The following PPP3CC variants were observed in gnomAD, a reference collection of about 807,000 sequenced individuals.
PPP3CC encodes the protein protein phosphatase 3 catalytic subunit gamma.
In PPP3CC, 35 loss-of-function variants were observed where a neutral mutation model predicts 60.3. The ratio of observed to expected loss-of-function variants is 0.58; its 90% CI spans 0.44 to 0.77. PPP3CC has a LOEUF of 0.77. PPP3CC is among the 30% of genes least tolerant of loss of function. PPP3CC has a pLI of 0.00. For synonymous variants in PPP3CC, 206 were observed against 224.3 expected, an observed-to-expected ratio of 0.92 and a Z score of 0.73; for missense variants, 570 against 628.9, an observed-to-expected ratio of 0.91 and a Z score of 1.00.
chr8:22,538,021 T>G (rs1357363370), intron 12 of PPP3CC, among the ~76,000 whole-genome samples: 1 of 152,230 alleles, frequency 6.6e-6, no homozygotes, highest in East Asian at 1.9e-4. Context: ...AACCATTGAC[T>G]TGTATACTTT....
chr8:22,448,372 C>CTTT (rs1383454743), intron 1 of PPP3CC, among the ~76,000 whole-genome samples: 11 of 144,810 alleles, frequency 7.6e-5, no homozygotes, highest in African/African-American at 2.7e-4. Context: ...GGTATTATAC[C>CTTT]TTTTTTTTGT....
intron 6 of PPP3CC, among the ~76,000 whole-genome samples, chr8:22,522,141 A>ACACACACACACACACACACACG (rs1839424232): frequency 2.7e-5 from 1 of 37,204 alleles, no homozygotes; most frequent in Admixed American, 2.5e-4. Context: ...ACACACACGC[A>ACACACACACACACACACACACG]CACACACACA....
chr8:22,519,648 T>A (rs1839350788), intron 6 of PPP3CC, among the ~76,000 whole-genome samples: 1 of 152,172 alleles, frequency 6.6e-6, no homozygotes, highest in South Asian at 2.1e-4. Flanking sequence ...CTAATGTAAT[T>A]AATTTCAGGT....
intron 3 of PPP3CC, among the ~76,000 whole-genome samples, chr8:22,488,381 C>T (rs1445065007): frequency 6.6e-6 from 1 of 152,150 alleles, no homozygotes; most frequent in Non-Finnish European, 1.5e-5. Context: ...TTTAATGCAA[C>T]AATTCCATTT....
intron 4 of PPP3CC, among the ~76,000 whole-genome samples, chr8:22,506,881 G>C (rs1838938515): frequency 2.0e-5 from 3 of 152,012 alleles, no homozygotes; most frequent in African/African-American, 7.2e-5. Flanking sequence ...GGCGGAGCTT[G>C]CAGTGAGCCG....
chr8:22,468,538 T>G (rs995389297), intron 1 of PPP3CC, among the ~76,000 whole-genome samples: 3 of 147,776 alleles, frequency 2.0e-5, no homozygotes, highest in African/African-American at 5.1e-5. Context: ...GATTCATGAG[T>G]TTTTTTTTTA....
At chr8:22,533,845 A>G (rs1839782681) in intron 12 of PPP3CC, among the ~76,000 whole-genome samples, 1 of 151,912 alleles carries the variant, frequency 6.6e-6, no homozygotes, top group Non-Finnish European at 1.5e-5. Context: ...AAAGTGACCA[A>G]TAAACATATG....
chr8:22,525,543 CCTCTCTCTCT>C (rs1163306920), intron 8 of PPP3CC, among the ~76,000 whole-genome samples: 1 of 35,076 alleles, frequency 2.9e-5, no homozygotes, highest in East Asian at 1.2e-3. Context: ...TCTTTCTCTC[CCTCTCTCTCT>C]CTCTCTTTCT....
intron 5 of PPP3CC, among the ~76,000 whole-genome samples, chr8:22,512,433 C>G (rs531514244): frequency 5.9e-5 from 9 of 152,296 alleles, no homozygotes; most frequent in African/African-American, 2.2e-4. Flanking sequence ...ATGCTTTCAA[C>G]TAAAGCAGCA....
intron 1 of PPP3CC, among the ~76,000 whole-genome samples, chr8:22,458,937 A>G (rs1837285525): frequency 6.6e-6 from 1 of 152,212 alleles, no homozygotes; most frequent in African/African-American, 2.4e-5. Flanking sequence ...CTTTTAAATC[A>G]AATTAAGGAA....
chr8:22,531,533 T>G (rs1045097340), intron 10 of PPP3CC, among the ~76,000 whole-genome samples: 2 of 152,226 alleles, frequency 1.3e-5, no homozygotes, highest in African/African-American at 2.4e-5. Context: ...AGGCCATGTT[T>G]CTTTTTCTGA....
chr8:22,473,896 T>C (rs373512761), intron 1 of PPP3CC, among the ~76,000 whole-genome samples: 1 of 152,070 alleles, frequency 6.6e-6, no homozygotes, highest in Admixed American at 6.5e-5. Flanking sequence ...TTATTCTGTT[T>C]TGTTTTGTTT....
chr8:22,521,375 G>A (rs1839400747), intron 6 of PPP3CC, among the ~76,000 whole-genome samples: 1 of 152,158 alleles, frequency 6.6e-6, no homozygotes, highest in African/African-American at 2.4e-5. Context: ...GGATGGATGA[G>A]GCTGGTGGTA....
chr8:22,517,093 A>G (rs74812929), intron 6 of PPP3CC, among the ~76,000 whole-genome samples: 102 of 152,358 alleles, frequency 6.7e-4, no homozygotes, highest in African/African-American at 2.3e-3. Flanking sequence ...CTGTTTTTGC[A>G]GCAACATTAT....
intron 8 of PPP3CC, among the ~76,000 whole-genome samples, chr8:22,526,543 A>C (rs1368703497): frequency 6.6e-6 from 1 of 152,226 alleles, no homozygotes; most frequent in African/African-American, 2.4e-5. Flanking sequence ...AAATTTTAAG[A>C]ACACTAGATT....
intron 3 of PPP3CC, among the ~76,000 whole-genome samples, chr8:22,483,708 C>T (rs936987830): frequency 6.6e-6 from 1 of 152,300 alleles, no homozygotes; most frequent in Middle Eastern, 3.4e-3. Flanking sequence ...CTTGGACTTT[C>T]TGCTTTGTCC....
intron 10 of PPP3CC, among the ~76,000 whole-genome samples, chr8:22,530,829 C>CAAACAA (rs1839691242): frequency 8.6e-5 from 5 of 58,034 alleles, no homozygotes; most frequent in African/African-American, 2.6e-4. Flanking sequence ...AGACTCATCT[C>CAAACAA]AAAAAAAAAA....
intron 1 of PPP3CC, among the ~76,000 whole-genome samples, chr8:22,469,952 T>A (rs992636934): frequency 4.6e-5 from 6 of 129,380 alleles, no homozygotes; most frequent in Admixed American, 3.3e-4. Flanking sequence ...AAATAAAGAT[T>A]TGCTCAAAGA....
In PPP3CC at chr8:22,522,504, T is replaced by A; in HGVS notation, c.784T>A (p.Cys262Ser). The part of the protein sequence containing the change: ...CSYFYSYPAV[C>S]EFLQNNNLLS... Reference sequence around the variant, plus strand: ...TTTCTTTTCCAGTTACCCTGCAGTTTGTGAATTTTTGCAGAACAATAATTT... The same window carrying A: ...TTTCTTTTCCAGTTACCCTGCAGTTAGTGAATTTTTGCAGAACAATAATTT... Residue 262 changes from cysteine to serine, a missense_variant, in exon 7 of 14, where the codon TGT (cysteine) becomes AGT (serine). Physicochemically the swap from Cys to Ser is moderately radical, Grantham distance 112. Coordinates refer to ENST00000240139, the MANE Select transcript of PPP3CC (RefSeq NM_005605.5). 6.2e-7 allele frequency: 1 copy of A among 1,610,758 alleles called. No homozygotes were observed. The highest frequency in any genetic ancestry group is 8.5e-7 in the Non-Finnish European group (1 of 1,178,452).
Sources: gnomAD v4.1 joint callset for allele counts (sites outside exome capture counted in the v4.1 genomes callset) on GRCh38, gnomAD v4.1.1 for gene constraint, MANE v1.5 for transcripts, NCBI Gene and HGNC (gene_info 2026-07-23, HGNC 2026-07-21) for gene names.